ANO2: variants seen among roughly 807,000 people sequenced by gnomAD.
ANO2 encodes anoctamin 2.
Under a neutral mutation model 124.2 loss-of-function variants are expected in ANO2, and 101 were observed. That is an observed-to-expected ratio of 0.81 (90% CI 0.69 to 0.96). The LOEUF (loss-of-function observed/expected upper bound fraction) is 0.96. ANO2 is among the 40% of genes least tolerant of loss of function. The pLI is 0.00. For synonymous variants in ANO2, 486 were observed against 482.5 expected (o/e 1.01, Z -0.09); for missense variants, 1,293 against 1,274.5 (o/e 1.01, Z -0.22).
In ANO2 at chr12:5,612,700, C is replaced by A. The variant is rs377038582; in HGVS notation, c.2043G>T (p.Leu681Phe). 1.9e-6 allele frequency: 3 copies of A among 1,613,774 alleles called. No individual in the cohort carries two copies. In the African/African-American group the frequency reaches 4.0e-5, roughly 22 times the overall value. Residue 681 changes from leucine (L) to phenylalanine (F), a missense_variant, in exon 19 of 25, where the codon TTG becomes TTT. Transcript: ENST00000682330. ...ELCIQLSIIM[L>F]GKQLIQNNIF... Reference sequence around the variant, plus strand: ...TGTTGTTCTGGATCAACTGCTTCCCCAACATGATGATGCTGAGCTGAATGC... The same window carrying A: ...TGTTGTTCTGGATCAACTGCTTCCCAAACATGATGATGCTGAGCTGAATGC...
chr12:5,668,036 T>C (rs1279681606), intron 14 of ANO2, among the ~76,000 whole-genome samples: 2 of 152,244 alleles, frequency 1.3e-5, no homozygotes, highest in African/African-American at 4.8e-5. Flanking sequence ...ATCTTTGTAA[T>C]AGAATGATTT....
At position 5,871,982 on chromosome 12, in the gene ANO2, G is replaced by C. The variant is rs1462147238; in HGVS notation, c.535-17841C>G. ...AGCTGCATGAATGTTTCTGAGACCA[G>C]AGAAAACTGGAAATGTACAATCTTC... On this transcript the variant is annotated intron_variant, in intron 3 of 24. Coordinates refer to ENST00000682330, the MANE Select transcript of ANO2 (RefSeq NM_001364791.2). 2.6e-5 allele frequency among the ~76,000 whole-genome samples: 4 copies of C among 152,208 alleles called. No individual in the cohort carries two copies. The South Asian group carries it at 6.2e-4, about 24-fold the overall frequency.
chr12:5,613,723 C>T (rs1591738152), intron 17 of ANO2, among the ~76,000 whole-genome samples: 1 of 152,126 alleles, frequency 6.6e-6, no homozygotes, highest in Non-Finnish European at 1.5e-5. Context: ...TTTATTTATA[C>T]CTCTTATTAG....
intron 11 of ANO2, among the ~76,000 whole-genome samples, chr12:5,747,874 G>T (rs1306503287): frequency 6.6e-6 from 1 of 152,200 alleles, no homozygotes; most frequent in Admixed American, 6.5e-5. Context: ...CATCCACTCT[G>T]ACAGGCAATG....
chr12:5,862,009 T>C lies in ANO2; in HGVS notation c.535-7868A>G. On this transcript the variant is annotated intron_variant, in intron 3 of 24. Coordinates refer to ENST00000682330, the MANE Select transcript of ANO2 (RefSeq NM_001364791.2). This position sits in a 1 kb window ranked among gnomAD's most constrained non-coding sequence, Gnocchi z 4.0. The stretch of plus-strand genomic sequence containing the variant: ...GGAACACCATAGTCTACCTGTGTCA[T>C]CGTGAAGATCAAAGCCTTAACTTCC... Among the ~76,000 whole-genome samples, 1 of 152,188 alleles carries C rather than the reference T, an allele frequency of 6.6e-6. No homozygotes were observed. Among genetic ancestry groups the C allele is most frequent in the East Asian group, 1.9e-4 (1 of 5,186 alleles).
chr12:5,827,663 T>G, intron 7 of ANO2, 106 bp downstream of exon 7: 73 of 1,291,334 alleles, frequency 5.7e-5, no homozygotes, highest in Middle Eastern at 1.8e-4. Flanking sequence ...GTGGGGGGCA[T>G]TTGCTTGTTT....
At chr12:5,883,161 G>C in intron 3 of ANO2, among the ~76,000 whole-genome samples, 1 of 151,932 alleles carries the variant, frequency 6.6e-6, no homozygotes, top group Admixed American at 6.6e-5. Flanking sequence ...TCCCTTTCCG[G>C]GCTTCCCGTC....
chr12:5,805,073 A>G (rs942288987), intron 9 of ANO2, among the ~76,000 whole-genome samples: 5 of 152,092 alleles, frequency 3.3e-5, no homozygotes, highest in Admixed American at 2.6e-4. Flanking sequence ...AAAACAGATG[A>G]GGTTAAGACA....
Position 5,569,973 on chromosome 12 carries a change from G to A in ANO2, c.2622-4310C>T, listed in dbSNP as rs117136375. 8.7e-3 allele frequency among the ~76,000 whole-genome samples: 1,325 copies of A among 152,290 alleles called. 11 individuals are homozygous for A. Among genetic ancestry groups the A allele is most frequent in the Non-Finnish European group, 0.012 (828 of 68,010 alleles). ...AAGTTCAAAATGGTAAAAGATGAAT[G>A]TAATTAATGGCAATACACAGTTGAT... On this transcript the variant is annotated intron_variant, in intron 23 of 24. Transcript: ENST00000682330.
intron 19 of ANO2, among the ~76,000 whole-genome samples, chr12:5,612,140 T>C (rs1184228137): frequency 6.6e-6 from 1 of 152,204 alleles, no homozygotes; most frequent in Non-Finnish European, 1.5e-5. Flanking sequence ...CAAAACCTGA[T>C]TGAAAGAAGT....
chr12:5,815,456 A>T (rs1355869017), intron 7 of ANO2, among the ~76,000 whole-genome samples: 1 of 152,172 alleles, frequency 6.6e-6, no homozygotes, highest in Non-Finnish European at 1.5e-5. Context: ...ATACGCCTTT[A>T]TGTGGAGAAT....
At chr12:5,821,340 A>G (rs1953791858) in intron 7 of ANO2, among the ~76,000 whole-genome samples, 1 of 152,208 alleles carries the variant, frequency 6.6e-6, no homozygotes, top group Non-Finnish European at 1.5e-5. Context: ...GGCACAACAC[A>G]TAGTGGGCCT....
intron 1 of ANO2, among the ~76,000 whole-genome samples, chr12:5,924,895 A>AACGGAAT (rs1942007614): frequency 2.6e-5 from 4 of 152,204 alleles, no homozygotes; most frequent in Non-Finnish European, 5.9e-5. Context: ...TGGCAAAATA[A>AACGGAAT]ACGGAATTGA....
intron 14 of ANO2, among the ~76,000 whole-genome samples, chr12:5,725,124 C>CAT (rs1555147523): frequency 0.11 from 15,888 of 148,382 alleles, 982 homozygotes; most frequent in African/African-American, 0.18. Context: ...CACACACACA[C>CAT]GCAAACACAA....
intron 10 of ANO2, among the ~76,000 whole-genome samples, chr12:5,753,319 GA>G (rs1291739935): frequency 6.6e-6 from 1 of 152,166 alleles, no homozygotes; most frequent in Non-Finnish European, 1.5e-5. Flanking sequence ...GCAGGTAGCA[GA>G]ATAGTCAATT....
At chr12:5,659,092 T>A (rs1011292564) in intron 14 of ANO2, among the ~76,000 whole-genome samples, 5 of 152,228 alleles carry the variant, frequency 3.3e-5, no homozygotes, top group Admixed American at 3.3e-4. Context: ...CACTGTCCCC[T>A]CAGACCCAAG....
At chr12:5,815,887 G>A (rs1953591924) in intron 7 of ANO2, among the ~76,000 whole-genome samples, 1 of 152,032 alleles carries the variant, frequency 6.6e-6, no homozygotes, top group Admixed American at 6.6e-5. Flanking sequence ...TTAAAGCTTT[G>A]TAAAAGTAGG....
chr12:5,664,554 C>T (rs544107659), intron 14 of ANO2, among the ~76,000 whole-genome samples: 1 of 152,254 alleles, frequency 6.6e-6, no homozygotes, highest in South Asian at 2.1e-4. Flanking sequence ...AAAATTAAGA[C>T]CCAAGAAGTT....
chr12:5,743,474 T>C (rs1373151852), intron 12 of ANO2, among the ~76,000 whole-genome samples: 1 of 127,010 alleles, frequency 7.9e-6, no homozygotes, highest in Non-Finnish European at 1.6e-5. Flanking sequence ...AGAATAGGCG[T>C]GTGTGTGTGT....
Sources: gnomAD v4.1 joint callset for allele counts (sites outside exome capture counted in the v4.1 genomes callset) on GRCh38, gnomAD v4.1.1 for gene constraint, Gnocchi (gnomAD v3.1) non-coding constraint, MANE v1.5 for transcripts, NCBI Gene and HGNC (gene_info 2026-07-23, HGNC 2026-07-21) for gene names.